The following TFAP4 variants were observed in gnomAD, a reference collection of about 807,000 sequenced individuals.
The protein encoded by TFAP4 is transcription factor AP-4.
In TFAP4, 7 loss-of-function variants were observed where a neutral mutation model predicts 40.4. The observed-to-expected ratio is 0.17, with a 90% CI of 0.10 to 0.33. The LOEUF (loss-of-function observed/expected upper bound fraction) is 0.33, where lower values mean the gene tolerates loss of function less well. TFAP4 is among the 10% of genes least tolerant of loss of function. The probability of loss-of-function intolerance (pLI) is 1.00; values close to 1 mark genes in which losing one functional copy is unlikely to be tolerated. For missense variants in TFAP4, 374 were observed against 451.1 expected (o/e 0.83, Z 1.55); for synonymous variants, 218 against 181.4 (o/e 1.20, Z -1.62).
At chr16:4,262,949 A>G (rs2052961642) in intron 1 of TFAP4, 1 of 529,340 alleles carries the variant, frequency 1.9e-6, no homozygotes, top group Non-Finnish European at 3.4e-6. Context: ...GTCAAGGCCA[A>G]GGATCATTGA....
intron 1 of TFAP4, chr16:4,265,167 G>A (rs923338724): frequency 6.6e-6 from 1 of 152,154 alleles, no homozygotes; most frequent in African/African-American, 2.4e-5. Context: ...CATGTAAAGA[G>A]GGGGGCACAG....
chr16:4,257,311 T>TAAAAAAAAAAAAAAAAAAGAAAAAAAAA lies in TFAP4; in HGVS notation c.*743_*744insTTTTTTTTTCTTTTTTTTTTTTTTTTTT, dbSNP rs34634533. ...CTTGAACACGAAGACCTCAAAATTG[T>TAAAAAAAAAAAAAAAAAAGAAAAAAAAA]AAAAAAAAAAAAAAAAGAAAGAAAA... On this transcript the variant is annotated 3_prime_UTR_variant, in exon 7 of 7. Coordinates refer to ENST00000204517, the MANE Select transcript of TFAP4 (RefSeq NM_003223.3). 8.7e-6 allele frequency: 1 copy of TAAAAAAAAAAAAAAAAAAGAAAAAAAAA among 114,782 alleles called. No homozygotes were observed. Among genetic ancestry groups the TAAAAAAAAAAAAAAAAAAGAAAAAAAAA allele is most frequent in the Non-Finnish European group, 1.8e-5 (1 of 55,872 alleles). 7.1% of individuals were successfully genotyped at this position (114,782 alleles called of 1,614,324 possible). A position where few individuals can be genotyped will look rare whatever the true frequency, so the allele number is the denominator to read the frequency against.
chr16:4,270,686 T>A (rs889692454), intron 1 of TFAP4, among the ~76,000 whole-genome samples: 1 of 152,218 alleles, frequency 6.6e-6, no homozygotes, highest in African/African-American at 2.4e-5. Context: ...AAAGGAACGC[T>A]TGGGGCAGGG....
In TFAP4 at chr16:4,260,136, A is replaced by G. The variant is rs1416575918; in HGVS notation, c.776T>C (p.Ile259Thr). ...TTGCCGGGATGTGGAAACAGAGTTGATGACCGAGGAGGGGCCCATGGTGAC... is the reference window on the plus strand; with the variant it reads ...TTGCCGGGATGTGGAAACAGAGTTGGTGACCGAGGAGGGGCCCATGGTGAC... ...NVVTMGPSSV[I>T]NSVSTSRQNL... The change falls in exon 6 of 7, where the codon ATC becomes ACC. Residue 259 changes from isoleucine to threonine, a missense_variant. Ile to Thr is a moderately conservative substitution (Grantham distance 89, BLOSUM62 -1). Around this residue, in one of 6 missense-constraint regions of TFAP4, gnomAD observed 161 missense variants for 154.2 expected, o/e 1.04. Transcript: ENST00000204517. 2.0e-6 allele frequency: 3 copies of G among 1,523,594 alleles called. No homozygotes were observed. The highest frequency in any genetic ancestry group is 1.8e-6 in the Non-Finnish European group (2 of 1,123,010). The allele number at this position is 1,523,594 out of a possible 1,614,324, so 94.4% of individuals were successfully genotyped here.
rs748313561 is a variant in TFAP4, at chr16:4,262,310, A to C, written c.354+14T>G. The C allele has an allele frequency of 2.5e-6, 4 of 1,613,788 alleles. No homozygotes were observed. The South Asian group carries it at 3.3e-5, about 13-fold the overall frequency. ...CCATGCCAGGGAGAGGGAGCCATGA[A>C]GGACAGGGCGCACCTGGATGAAGCG... On this transcript the variant is annotated intron_variant, in intron 3 of 6. Transcript: ENST00000204517.
rs142294337 is a variant in TFAP4, at chr16:4,270,162, G to C, written c.89+2496C>G. ...ATTGCACTCCATTCTGGGTGACAGA[G>C]TGAGACTCCGTCTCAAAAAAAAAAA... On this transcript the variant is annotated intron_variant, in intron 1 of 6. Coordinates refer to ENST00000204517, the MANE Select transcript of TFAP4 (RefSeq NM_003223.3). 5.9e-5 allele frequency among the ~76,000 whole-genome samples: 9 copies of C among 151,992 alleles called. No homozygotes were observed. The East Asian group carries it at 1.5e-3, about 26-fold the overall frequency.
At position 4,272,764 on chromosome 16, in the gene TFAP4, C is replaced by T. The variant is rs1401751999; in HGVS notation, c.-18G>A. 2 of 1,611,240 alleles carry T rather than the reference C, an allele frequency of 1.2e-6. No homozygotes were observed. The highest frequency in any genetic ancestry group is 2.7e-5 in the African/African-American group (2 of 74,816). Reference sequence around the variant, plus strand: ...TACTCCATAGCGATCGGCCCCCCTCCTCTGCACGAGCCAGGTCCCGCGATC... The same window carrying T: ...TACTCCATAGCGATCGGCCCCCCTCTTCTGCACGAGCCAGGTCCCGCGATC... On this transcript the variant is annotated 5_prime_UTR_variant, in exon 1 of 7. Coordinates refer to ENST00000204517, the MANE Select transcript of TFAP4 (RefSeq NM_003223.3).
chr16:4,260,649 T>G (rs201188737), intron 4 of TFAP4, 54 bp from the exon 5 acceptor site: 17,032 of 1,526,136 alleles, frequency 0.011, 125 homozygotes, highest in Middle Eastern at 0.016. Flanking sequence ...CACCCTGCCC[T>G]GTCAGTCTCA....
intron 1 of TFAP4, among the ~76,000 whole-genome samples, chr16:4,270,113 A>C (rs1157691777): frequency 1.3e-5 from 2 of 152,200 alleles, no homozygotes; most frequent in Admixed American, 6.5e-5. Context: ...TGAATCTAGG[A>C]GGCGGAGGTT....
chr16:4,262,803 T>G (rs962429887), intron 1 of TFAP4, 102 bp from the exon 2 acceptor site: 3 of 1,344,556 alleles, frequency 2.2e-6, no homozygotes, highest in Non-Finnish European at 2.1e-6. Context: ...CTGCAAAAGA[T>G]GCCAGGCCAC....
rs775107214 is a variant in TFAP4 at position 4,260,492 on chromosome 16, T to C, written c.629A>G (p.Glu210Gly). 6.2e-7 allele frequency: 1 copy of C among 1,606,270 alleles called. No homozygotes were observed. The highest frequency in any genetic ancestry group is 8.5e-7 in the Non-Finnish European group (1 of 1,176,396). Residue 210 changes from glutamate (E) to glycine (G), a missense_variant, in exon 5 of 7, where the codon GAG becomes GGG. Physicochemically the swap from Glu to Gly is moderately conservative, Grantham distance 98. Around this residue, in one of 6 missense-constraint regions of TFAP4, gnomAD observed 161 missense variants for 154.2 expected, o/e 1.04. Coordinates refer to ENST00000204517, the MANE Select transcript of TFAP4 (RefSeq NM_003223.3). The stretch of plus-strand genomic sequence containing the variant: ...CTGCTGCTGTTCCCGCTCCAGCTTC[T>C]CCTGGTGCAGCAGCCTCACCTGTTC... Reference protein sequence around the residue: ...QQEQVRLLHQEKLEREQQQLR... With the variant: ...QQEQVRLLHQGKLEREQQQLR...
chr16:4,261,446 A>AT (rs148258464), intron 4 of TFAP4, among the ~76,000 whole-genome samples: 5,168 of 144,718 alleles, frequency 0.036, 152 homozygotes, highest in African/African-American at 0.079. Context: ...CGCCCGGCTA[A>AT]TTTTTTTTTT....
intron 4 of TFAP4, 53 bp from the exon 5 acceptor site, chr16:4,260,648 C>T (rs750060778): frequency 2.5e-5 from 38 of 1,526,622 alleles, no homozygotes; most frequent in Non-Finnish European, 3.3e-5. Context: ...ACACCCTGCC[C>T]TGTCAGTCTC....
intron 1 of TFAP4, among the ~76,000 whole-genome samples, chr16:4,271,096 C>T (rs1285854233): frequency 2.6e-5 from 4 of 152,260 alleles, no homozygotes; most frequent in African/African-American, 7.2e-5. Context: ...GGGCCTCGTG[C>T]AAGGGCCAGC....
chr16:4,268,652 C>T (rs528844717), intron 1 of TFAP4, among the ~76,000 whole-genome samples: 3 of 152,232 alleles, frequency 2.0e-5, no homozygotes, highest in South Asian at 4.1e-4. Flanking sequence ...AGTGCAATGG[C>T]ATGATCTCGG....
chr16:4,272,188 G>T (rs559546974), intron 1 of TFAP4, among the ~76,000 whole-genome samples: 60 of 151,748 alleles, frequency 4.0e-4, no homozygotes, highest in African/African-American at 1.4e-3. Context: ...CCCCGCGCCG[G>T]GAGCCGCGGC....
chr16:4,271,339 C>A (rs1597316570), intron 1 of TFAP4, among the ~76,000 whole-genome samples: 1 of 152,230 alleles, frequency 6.6e-6, no homozygotes, highest in African/African-American at 2.4e-5. Context: ...CAGACTGCCT[C>A]GGGCGGCAGA....
rs1306351096 is a variant in TFAP4 at position 4,272,547 on chromosome 16, G to C, written c.89+111C>G. On this transcript the variant is annotated intron_variant, in intron 1 of 6. Coordinates refer to ENST00000204517, the MANE Select transcript of TFAP4 (RefSeq NM_003223.3). ...GCAGCCGTCCCGGCAGCTAAGAAAGGCTAGCGGGGTCGGCGGCGCGGGCCA... is the reference window on the plus strand; with the variant it reads ...GCAGCCGTCCCGGCAGCTAAGAAAGCCTAGCGGGGTCGGCGGCGCGGGCCA... 6.9e-6 allele frequency: 5 copies of C among 723,408 alleles called. 1 individual carries two copies. The highest frequency in any genetic ancestry group is 5.5e-5 in the South Asian group (2 of 36,412). 44.8% of individuals were successfully genotyped at this position (723,408 alleles called of 1,614,324 possible).
chr16:4,259,806 G>A (rs988004513), intron 6 of TFAP4, among the ~76,000 whole-genome samples: 1 of 152,170 alleles, frequency 6.6e-6, no homozygotes, highest in Non-Finnish European at 1.5e-5. Flanking sequence ...TAACCAGGGG[G>A]CTCTGGGAGC....
Sources: gnomAD v4.1 joint callset for allele counts (sites outside exome capture counted in the v4.1 genomes callset) on GRCh38, gnomAD v4.1.1 for gene constraint, gnomAD v4.1.1 regional missense constraint, MANE v1.5 for transcripts, NCBI Gene and HGNC (gene_info 2026-07-23, HGNC 2026-07-21) for gene names.